KLF12: variants seen among roughly 807,000 people sequenced by gnomAD.
KLF12 encodes Krueppel-like factor 12.
A neutral mutation model predicts 37.8 loss-of-function variants in KLF12; 9 were observed. The observed-to-expected ratio is 0.24, with a 90% confidence interval of 0.14 to 0.42. The LOEUF is 0.42. KLF12 is among the 10% of genes least tolerant of loss of function. The pLI is 1.00. For missense variants in KLF12, 411 were observed against 516.0 expected, an observed-to-expected ratio of 0.80 and a Z score of 1.97; for synonymous variants, 208 against 202.1, an observed-to-expected ratio of 1.03 and a Z score of -0.25.
intron 4 of KLF12, among the ~76,000 whole-genome samples, chr13:73,827,743 A>G (rs1330079520): frequency 1.3e-5 from 2 of 152,070 alleles, no homozygotes; most frequent in African/African-American, 4.8e-5. Flanking sequence ...TTGTATTTTC[A>G]TTAGAGACAG....
At chr13:74,261,727 G>A in the KLF12 span, among the ~76,000 whole-genome samples, 1 of 152,136 alleles carries the variant, frequency 6.6e-6, no homozygotes, top group African/African-American at 2.4e-5. Context: ...ATCTAGGTGT[G>A]CCTGATTTTA....
chr13:74,148,426 T>C, the KLF12 span, among the ~76,000 whole-genome samples: 2 of 141,758 alleles, frequency 1.4e-5, no homozygotes, highest in Admixed American at 1.4e-4. Flanking sequence ...TTTTTTTTTT[T>C]CTGTACTCAA....
chr13:73,960,597 C>G (rs1222041492), intron 2 of KLF12, among the ~76,000 whole-genome samples: 3 of 152,202 alleles, frequency 2.0e-5, no homozygotes, highest in Non-Finnish European at 4.4e-5. Context: ...CACATACATA[C>G]AAACACATAC....
At chr13:74,211,519 C>T in the KLF12 span, among the ~76,000 whole-genome samples, 1 of 152,082 alleles carries the variant, frequency 6.6e-6, no homozygotes, top group Admixed American at 6.6e-5. Context: ...GGAAATCAAG[C>T]AGAACAATTT....
chr13:74,004,892 C>A (rs1449609573), intron 1 of KLF12, among the ~76,000 whole-genome samples: 6 of 151,256 alleles, frequency 4.0e-5, no homozygotes, highest in Non-Finnish European at 7.4e-5. Context: ...AATGAAAATT[C>A]TCTTTCTCCT....
intron 3 of KLF12, among the ~76,000 whole-genome samples, chr13:73,931,579 C>A (rs911804685): frequency 6.6e-6 from 1 of 152,134 alleles, no homozygotes; most frequent in African/African-American, 2.4e-5. Flanking sequence ...GTCTCTACAT[C>A]TATCTTCTAA....
chr13:74,230,393 G>A, the KLF12 span, among the ~76,000 whole-genome samples: 1 of 152,130 alleles, frequency 6.6e-6, no homozygotes, highest in East Asian at 1.9e-4. Context: ...CGTGAGAATG[G>A]ACTAATACAC....
At chr13:73,829,009 A>G (rs907961357) in intron 4 of KLF12, among the ~76,000 whole-genome samples, 9 of 151,824 alleles carry the variant, frequency 5.9e-5, no homozygotes, top group African/African-American at 2.2e-4. Context: ...CCTCACCGCC[A>G]CCCAACACCA....
the KLF12 span, among the ~76,000 whole-genome samples, chr13:74,150,412 G>A: frequency 0.016 from 2,490 of 152,188 alleles, 75 homozygotes; most frequent in African/African-American, 0.056. Flanking sequence ...AACACATTTC[G>A]TTCATGCCTT....
intron 3 of KLF12, among the ~76,000 whole-genome samples, chr13:73,929,310 T>C (rs1593742559): frequency 6.6e-6 from 1 of 152,164 alleles, no homozygotes. Context: ...AAATATTACA[T>C]ATATTAACTT....
intron 4 of KLF12, among the ~76,000 whole-genome samples, chr13:73,816,118 G>A (rs1488090847): frequency 6.6e-6 from 1 of 152,170 alleles, no homozygotes; most frequent in Non-Finnish European, 1.5e-5. Context: ...TTCAAAATCT[G>A]CATTGCTGAT....
intron 1 of KLF12, among the ~76,000 whole-genome samples, chr13:74,112,472 G>A (rs184921918): frequency 2.8e-4 from 43 of 151,570 alleles, no homozygotes; most frequent in African/African-American, 9.9e-4. Context: ...ATGTTGAGTC[G>A]AGCATGTCTG....
intron 2 of KLF12, among the ~76,000 whole-genome samples, chr13:73,965,533 C>A (rs914680123): frequency 1.3e-5 from 2 of 152,078 alleles, no homozygotes; most frequent in African/African-American, 4.8e-5. Context: ...TGTCACCAAG[C>A]CAAAGATCTT....
the KLF12 span, among the ~76,000 whole-genome samples, chr13:74,201,845 A>G: frequency 6.6e-6 from 1 of 152,138 alleles, no homozygotes; most frequent in Non-Finnish European, 1.5e-5. Context: ...AGTGGGAACT[A>G]TTAGTTTTGG....
At chr13:74,004,463 T>G (rs1892360539) in intron 1 of KLF12, among the ~76,000 whole-genome samples, 1 of 152,196 alleles carries the variant, frequency 6.6e-6, no homozygotes, top group African/African-American at 2.4e-5. Context: ...TTTTGAAACC[T>G]ATAGTTTGGC....
At chr13:73,897,200 TA>T in intron 3 of KLF12, among the ~76,000 whole-genome samples, 1 of 151,278 alleles carries the variant, frequency 6.6e-6, no homozygotes. Context: ...ATGAAAAATT[TA>T]AAAAAAAATC....
At chr13:74,167,239 C>T in the KLF12 span, among the ~76,000 whole-genome samples, 18 of 152,332 alleles carry the variant, frequency 1.2e-4, no homozygotes, top group Admixed American at 5.2e-4. Context: ...TAACTAGCTT[C>T]CATGTGTCTA....
chr13:73,861,317 T>C (rs1365795662), intron 3 of KLF12, among the ~76,000 whole-genome samples: 1 of 152,216 alleles, frequency 6.6e-6, no homozygotes, highest in Non-Finnish European at 1.5e-5. Context: ...GGATTACCTG[T>C]ACCAGCAACC....
the KLF12 span, among the ~76,000 whole-genome samples, chr13:74,278,040 G>C: frequency 6.6e-6 from 1 of 152,178 alleles, no homozygotes; most frequent in African/African-American, 2.4e-5. Flanking sequence ...AGTATTGTGG[G>C]TTGGGTGGTG....
Sources: allele counts gnomAD v4.1 joint callset (sites outside exome capture counted in the v4.1 genomes callset), GRCh38; gene constraint gnomAD v4.1.1; transcripts MANE v1.5; gene names NCBI Gene and HGNC (gene_info 2026-07-23, HGNC 2026-07-21).